The following APBB1IP variants were observed in gnomAD, a reference collection of about 807,000 sequenced individuals.
APBB1IP encodes amyloid beta precursor protein binding family B member 1 interacting protein.
In APBB1IP, 27 loss-of-function variants were observed where a neutral mutation model predicts 64.9. That is an observed-to-expected ratio of 0.42 (90% CI 0.31 to 0.57). The LOEUF is 0.57. APBB1IP is among the 20% of genes least tolerant of loss of function. APBB1IP has a pLI of 0.20. For synonymous variants in APBB1IP, 392 were observed against 331.0 expected (o/e 1.18, Z -2.00); for missense variants, 812 against 845.5 (o/e 0.96, Z 0.49).
chr10:26,456,288 G>A (rs1413292355), intron 2 of APBB1IP, among the ~76,000 whole-genome samples: 1 of 152,176 alleles, frequency 6.6e-6, no homozygotes, highest in African/African-American at 2.4e-5. Flanking sequence ...TGCACTAGGT[G>A]CAATTTGCAC....
intron 11 of APBB1IP, among the ~76,000 whole-genome samples, chr10:26,543,221 C>T (rs184320562): frequency 1.6e-4 from 24 of 152,118 alleles, no homozygotes; most frequent in African/African-American, 5.5e-4. Context: ...AGTCCCAACA[C>T]TGTGGGAGGC....
chr10:26,471,766 C>G (rs1835718888), intron 2 of APBB1IP, among the ~76,000 whole-genome samples: 1 of 152,046 alleles, frequency 6.6e-6, no homozygotes, highest in African/African-American at 2.4e-5. Context: ...CTCACTGCAA[C>G]CTCCGCCTCC....
chr10:26,528,931 G>A (rs1382708803), intron 8 of APBB1IP, among the ~76,000 whole-genome samples: 3 of 152,146 alleles, frequency 2.0e-5, no homozygotes, highest in African/African-American at 7.2e-5. Flanking sequence ...AGTGAGATAT[G>A]TCCCTCCCCA....
intron 8 of APBB1IP, among the ~76,000 whole-genome samples, chr10:26,515,154 TCCAGG>T (rs1836310875): frequency 2.0e-5 from 3 of 152,018 alleles, no homozygotes; most frequent in South Asian, 2.1e-4. Context: ...GTGCTGGGAT[TCCAGG>T]TGTGAGCCAC....
intron 2 of APBB1IP, among the ~76,000 whole-genome samples, chr10:26,458,543 C>G (rs1226557644): frequency 6.6e-6 from 1 of 152,164 alleles, no homozygotes; most frequent in Non-Finnish European, 1.5e-5. Context: ...ACTTTTTTCT[C>G]TCAGTGTCTA....
chr10:26,471,925 C>T (rs922653764), intron 2 of APBB1IP, among the ~76,000 whole-genome samples: 4 of 152,222 alleles, frequency 2.6e-5, no homozygotes, highest in South Asian at 2.1e-4. Flanking sequence ...CCTCATGATC[C>T]GCCCTCCTCG....
Position 26,560,021 on chromosome 10 carries a change from AT to A in APBB1IP, c.1156-76del, listed in dbSNP as rs897183379. On this transcript the variant is annotated intron_variant, in intron 11 of 14. Transcript: ENST00000376236. ...ACATAAATCACATATATTGTTAGAG[AT>A]TTTTTTTAAATTTCCTGACAGGTGC... 53 of 1,139,190 alleles carry A rather than the reference AT, an allele frequency of 4.7e-5. 1 individual carries two copies. Among genetic ancestry groups the A allele is most frequent in the African/African-American group, 2.5e-4 (16 of 65,232 alleles). The allele number at this position is 1,139,190 out of a possible 1,614,324, so 70.6% of individuals were successfully genotyped here.
At chr10:26,506,846 C>T (rs1836185784) in intron 6 of APBB1IP, among the ~76,000 whole-genome samples, 1 of 152,028 alleles carries the variant, frequency 6.6e-6, no homozygotes, top group South Asian at 2.1e-4. Context: ...AGAAAATAAA[C>T]CAGGAAGAAG....
At chr10:26,513,776 A>C in intron 8 of APBB1IP, 116 bp downstream of exon 8, 3 of 1,287,846 alleles carry the variant, frequency 2.3e-6, no homozygotes, top group Non-Finnish European at 3.2e-6. Flanking sequence ...GGAGTCTCGA[A>C]GGCTGGAGTG....
In APBB1IP at chr10:26,484,102, A is replaced by G. The variant is rs1379167610; in HGVS notation, c.1-8225A>G. ...GTTTGTAATATCTTAATACGGTGCT[A>G]TAAGAAATATAAGAAAGCAGGGTTT... On this transcript the variant is annotated intron_variant, in intron 2 of 14. Transcript: ENST00000376236. 2.6e-5 allele frequency among the ~76,000 whole-genome samples: 4 copies of G among 152,212 alleles called. No individual in the cohort carries two copies. The East Asian group carries it at 7.7e-4, about 29-fold the overall frequency.
chr10:26,523,344 A>G (rs557694771), intron 8 of APBB1IP, among the ~76,000 whole-genome samples: 3 of 152,182 alleles, frequency 2.0e-5, no homozygotes, highest in Non-Finnish European at 2.9e-5. Flanking sequence ...ACCTTCTATT[A>G]TGTTGAAAGC....
At chr10:26,465,287 C>T (rs560034147) in intron 2 of APBB1IP, among the ~76,000 whole-genome samples, 1 of 152,148 alleles carries the variant, frequency 6.6e-6, no homozygotes, top group Non-Finnish European at 1.5e-5. Context: ...TGACAGGCAC[C>T]CTTCATTGCT....
intron 3 of APBB1IP, among the ~76,000 whole-genome samples, chr10:26,494,706 T>C (rs1835998210): frequency 6.6e-6 from 1 of 152,020 alleles, no homozygotes; most frequent in Non-Finnish European, 1.5e-5. Context: ...GTGCTTGTAA[T>C]CCCAGCTACT....
chr10:26,492,815 A>G (rs1835972989), intron 3 of APBB1IP, among the ~76,000 whole-genome samples: 1 of 152,238 alleles, frequency 6.6e-6, no homozygotes, highest in Admixed American at 6.5e-5. Context: ...AACTAGAATT[A>G]TTAATGAAGT....
At chr10:26,470,743 C>T (rs1226066747) in intron 2 of APBB1IP, among the ~76,000 whole-genome samples, 1 of 152,066 alleles carries the variant, frequency 6.6e-6, no homozygotes, top group Non-Finnish European at 1.5e-5. Context: ...GAGGAGCATC[C>T]ATAATATGCC....
chr10:26,468,016 T>C (rs1427583603), intron 2 of APBB1IP, among the ~76,000 whole-genome samples: 1 of 152,234 alleles, frequency 6.6e-6, no homozygotes, highest in Non-Finnish European at 1.5e-5. Flanking sequence ...GCACCCATTA[T>C]TTTATGGAAT....
At chr10:26,502,721 A>G (rs575849329) in intron 5 of APBB1IP, among the ~76,000 whole-genome samples, 1 of 152,298 alleles carries the variant, frequency 6.6e-6, no homozygotes, top group Non-Finnish European at 1.5e-5. Context: ...AAAATTGGAA[A>G]TCCCCAAAAA....
intron 11 of APBB1IP, among the ~76,000 whole-genome samples, chr10:26,552,654 A>G (rs1321906242): frequency 6.6e-6 from 1 of 152,074 alleles, no homozygotes; most frequent in African/African-American, 2.4e-5. Flanking sequence ...AGGAAGGATA[A>G]GAAAGAAAAC....
chr10:26,487,697 G>A (rs1835909458), intron 2 of APBB1IP, among the ~76,000 whole-genome samples: 2 of 152,154 alleles, frequency 1.3e-5, no homozygotes, highest in African/African-American at 2.4e-5. Context: ...ACTGTGGCAC[G>A]TCATTAACCT....
Sources: gnomAD v4.1 joint callset for allele counts (sites outside exome capture counted in the v4.1 genomes callset) on GRCh38, gnomAD v4.1.1 for gene constraint, MANE v1.5 for transcripts, NCBI Gene and HGNC (gene_info 2026-07-23, HGNC 2026-07-21) for gene names.